Variants in TAF4B observed in about 807,000 individuals in gnomAD.
TAF4B encodes the protein TATA-box binding protein associated factor 4b, also known as transcription initiation factor TFIID subunit 4B.
TAF4B carries 38 observed loss-of-function variants against 86.4 expected under a neutral mutation model. The observed-to-expected ratio is 0.44, with a 90% confidence interval of 0.34 to 0.58. TAF4B has a LOEUF of 0.58. TAF4B is among the 20% of genes least tolerant of loss of function. TAF4B has a pLI of 0.02. For synonymous variants in TAF4B, 388 were observed against 391.2 expected (o/e 0.99, Z 0.10); for missense variants, 988 against 1,027.6 (o/e 0.96, Z 0.53).
chr18:26,385,152 G>A (rs1978320296), intron 14 of TAF4B, among the ~76,000 whole-genome samples: 1 of 152,134 alleles, frequency 6.6e-6, no homozygotes, highest in African/African-American at 2.4e-5. Flanking sequence ...CCAATTTAAG[G>A]AAATGTGGAA....
chr18:26,353,884 A>G (rs936823395), intron 13 of TAF4B, among the ~76,000 whole-genome samples: 2 of 152,196 alleles, frequency 1.3e-5, no homozygotes, highest in Non-Finnish European at 2.9e-5. Context: ...TTTCTCTTAT[A>G]GATATGCATT....
chr18:26,284,053 C>CAA (rs199554921), intron 6 of TAF4B, among the ~76,000 whole-genome samples: 53 of 130,386 alleles, frequency 4.1e-4, no homozygotes, highest in South Asian at 9.8e-4. Flanking sequence ...GACTCCGTCT[C>CAA]AAAAAAAAAA....
rs545676755 is a variant in TAF4B, at chr18:26,231,176, A to G, written c.343+3900A>G. ...TGTCTCAGCCTCCTGAGTACCTGGG[A>G]TTACAGGCATGCGCCACCACCCTTG... On this transcript the variant is annotated intron_variant, in intron 1 of 14. Transcript: ENST00000269142. Among the ~76,000 whole-genome samples, 45 of 148,292 alleles carry G rather than the reference A, an allele frequency of 3.0e-4. No individual in the cohort carries two copies. The East Asian group carries it at 8.0e-3, about 27-fold the overall frequency.
At chr18:26,281,019 C>T (rs905872200) in intron 5 of TAF4B, among the ~76,000 whole-genome samples, 2 of 152,046 alleles carry the variant, frequency 1.3e-5, no homozygotes, top group African/African-American at 4.8e-5. Flanking sequence ...TGGCCATTAT[C>T]CTAAGCAAAT....
At chr18:26,362,569 C>A (rs1455414221) in intron 14 of TAF4B, among the ~76,000 whole-genome samples, 1 of 151,964 alleles carries the variant, frequency 6.6e-6, no homozygotes, top group Non-Finnish European at 1.5e-5. Context: ...AGGGAGAAAA[C>A]CGAATGTGCT....
At chr18:26,388,960 C>T (rs148981146) in intron 14 of TAF4B, among the ~76,000 whole-genome samples, 2,931 of 152,200 alleles carry the variant, frequency 0.019, 80 homozygotes, top group African/African-American at 0.067. Context: ...TACAGGCATG[C>T]GCCACCACAC....
At chr18:26,285,232 T>TG (rs1335615859) in intron 6 of TAF4B, among the ~76,000 whole-genome samples, 1 of 137,962 alleles carries the variant, frequency 7.2e-6, no homozygotes, top group African/African-American at 2.6e-5. Flanking sequence ...GTTTTTTTTT[T>TG]TTTTGGAGAT....
intron 11 of TAF4B, among the ~76,000 whole-genome samples, chr18:26,322,747 T>C (rs1422874494): frequency 6.6e-6 from 1 of 152,060 alleles, no homozygotes; most frequent in Non-Finnish European, 1.5e-5. Flanking sequence ...GTATCTCCAC[T>C]CTAGTTTTTA....
chr18:26,242,941 G>C (rs1209718912), intron 1 of TAF4B, among the ~76,000 whole-genome samples: 12 of 152,164 alleles, frequency 7.9e-5, no homozygotes. Flanking sequence ...TAGAGTTTCT[G>C]CCAAGATATC....
At chr18:26,328,764 C>T (rs1027261611) in intron 12 of TAF4B, among the ~76,000 whole-genome samples, 5 of 151,916 alleles carry the variant, frequency 3.3e-5, no homozygotes, top group Admixed American at 1.3e-4. Flanking sequence ...GGACTACAGA[C>T]GCTCACCACC....
At position 26,246,344 on chromosome 18, in the gene TAF4B, C is replaced by T. The variant is rs79008513; in HGVS notation, c.344-18826C>T. Among the ~76,000 whole-genome samples the T allele has an allele frequency of 1.6e-3, 246 of 152,022 alleles. 2 individuals carry two copies. In the East Asian group the frequency reaches 0.027, roughly 17 times the overall value. Reference sequence around the variant, plus strand: ...ACATAGTTGTCTAGAAAGTTCAGTCCGAGACCACAGAATAAGGCCTAGATG... The same window carrying T: ...ACATAGTTGTCTAGAAAGTTCAGTCTGAGACCACAGAATAAGGCCTAGATG... On this transcript the variant is annotated intron_variant, in intron 1 of 14. Coordinates refer to ENST00000269142, the MANE Select transcript of TAF4B (RefSeq NM_005640.3).
At chr18:26,338,681 T>C (rs1436536339) in intron 13 of TAF4B, among the ~76,000 whole-genome samples, 2 of 151,862 alleles carry the variant, frequency 1.3e-5, no homozygotes, top group African/African-American at 4.8e-5. Context: ...TTTCTCCATG[T>C]TGGTCAGGCT....
Position 26,226,818 on chromosome 18 carries a change from TC to T in TAF4B, c.-112del. On this transcript the variant is annotated 5_prime_UTR_variant, in exon 1 of 15. Transcript: ENST00000269142. ...TTCGCTGCTGCGGCCCCCGCGCCTC[TC>T]CCCAGCGATGCTGTGGAACCCGAAC... 3.6e-6 allele frequency: 3 copies of T among 827,614 alleles called. No individual in the cohort carries two copies. Among genetic ancestry groups the T allele is most frequent in the Non-Finnish European group, 3.3e-6 (2 of 600,346 alleles). 51.3% of individuals were successfully genotyped at this position (827,614 alleles called of 1,614,324 possible).
chr18:26,325,567 A>G (rs2056997287), intron 11 of TAF4B, among the ~76,000 whole-genome samples: 1 of 152,196 alleles, frequency 6.6e-6, no homozygotes. Context: ...GGGGAGAGAG[A>G]GGAAGGAATC....
chr18:26,300,482 T>G (rs2056718756), intron 9 of TAF4B, among the ~76,000 whole-genome samples: 1 of 128,938 alleles, frequency 7.8e-6, no homozygotes, highest in Non-Finnish European at 1.7e-5. Context: ...TTTTTTTTTT[T>G]GCCTTTCCAT....
intron 1 of TAF4B, among the ~76,000 whole-genome samples, chr18:26,237,835 CTTCT>C (rs1300090750): frequency 6.6e-6 from 1 of 152,132 alleles, no homozygotes; most frequent in Non-Finnish European, 1.5e-5. Context: ...AAATAAGCTG[CTTCT>C]TTTTCAGGTT....
At chr18:26,384,572 A>C (rs1303538868) in intron 14 of TAF4B, among the ~76,000 whole-genome samples, 2 of 152,184 alleles carry the variant, frequency 1.3e-5, no homozygotes, top group African/African-American at 4.8e-5. Context: ...ATTTCTCTTG[A>C]GTTCAGTAAC....
chr18:26,273,177 G>A (rs2056342164), intron 3 of TAF4B, among the ~76,000 whole-genome samples: 1 of 152,096 alleles, frequency 6.6e-6, no homozygotes, highest in African/African-American at 2.4e-5. Context: ...AAATCACATG[G>A]AAAATATCTG....
rs1421581832 is a variant in TAF4B at position 26,390,040 on chromosome 18, G to T, written c.*28G>T. 1.3e-6 allele frequency: 2 copies of T among 1,594,284 alleles called. No homozygotes were observed. Among genetic ancestry groups the T allele is most frequent in the Non-Finnish European group, 1.7e-6 (2 of 1,170,842 alleles). ...ACTCCACTCTTCCATCCAGATCCTT[G>T]CTATTTACTGCCAAAGAAGACACAA... On this transcript the variant is annotated 3_prime_UTR_variant, in exon 15 of 15. Transcript: ENST00000269142.
Sources: gnomAD v4.1 joint callset for allele counts (sites outside exome capture counted in the v4.1 genomes callset) on GRCh38, gnomAD v4.1.1 for gene constraint, MANE v1.5 for transcripts, NCBI Gene and HGNC (gene_info 2026-07-23, HGNC 2026-07-21) for gene names.